SLC18A2: variants seen among roughly 807,000 people sequenced by gnomAD.
SLC18A2 encodes the protein solute carrier family 18 member A2, also known as synaptic vesicular amine transporter.
In SLC18A2, 33 loss-of-function variants were observed where a neutral mutation model predicts 59.2. The observed-to-expected ratio is 0.56, with a 90% CI of 0.42 to 0.75. SLC18A2 has a LOEUF of 0.75. Among genes scored for constraint, SLC18A2 ranks in the 30% least tolerant of loss-of-function variants. SLC18A2 has a pLI of 0.00. For missense variants in SLC18A2, 569 were observed against 668.6 expected (o/e 0.85, Z 1.64); for synonymous variants, 228 against 253.5 (o/e 0.90, Z 0.95).
chr10:117,248,609 T>C (rs559327371), intron 3 of SLC18A2, among the ~76,000 whole-genome samples: 2 of 152,308 alleles, frequency 1.3e-5, no homozygotes, highest in South Asian at 4.1e-4. Flanking sequence ...TACCAGAAAT[T>C]ATACTAGTGA....
At position 117,269,065 on chromosome 10, in the gene SLC18A2, A is replaced by G. The variant is rs933206596; in HGVS notation, c.1187-1006A>G. Among the ~76,000 whole-genome samples the G allele has an allele frequency of 6.6e-6, 1 of 151,726 alleles. No individual in the cohort carries two copies. Among genetic ancestry groups the G allele is most frequent in the African/African-American group, 2.4e-5 (1 of 41,258 alleles). On this transcript the variant is annotated intron_variant, in intron 13 of 15. Transcript: ENST00000644641. This position sits in a 1 kb window ranked among gnomAD's most constrained non-coding sequence, Gnocchi z 5.1. ...ACACATACACCCCCCACATAAACACATACACATACACAAATATACATACAC... is the reference window on the plus strand; with the variant it reads ...ACACATACACCCCCCACATAAACACGTACACATACACAAATATACATACAC...
At chr10:117,266,635 A>T in intron 10 of SLC18A2, 98 bp from the exon 11 acceptor site, 1 of 965,376 alleles carries the variant, frequency 1.0e-6, no homozygotes, top group Non-Finnish European at 1.6e-6. Context: ...GCTTCGTTTT[A>T]TCTGCTCTCA....
In SLC18A2 at chr10:117,254,500, G is replaced by C. The variant is rs1271318546; in HGVS notation, c.700+3G>C. The C allele has an allele frequency of 6.3e-7, 1 of 1,596,134 alleles. No individual in the cohort carries two copies. The highest frequency in any genetic ancestry group is 2.2e-5 in the East Asian group (1 of 44,686). On this transcript the variant is annotated splice_donor_region_variant and intron_variant, in intron 6 of 15. Coordinates refer to ENST00000644641, the MANE Select transcript of SLC18A2 (RefSeq NM_003054.6). ...AGGCCTGGCCATGGGGGTCTTAGGT[G>C]GGTAAGGCCCCCGTGTAGGCAAACT...
chr10:117,258,361 A>G (rs1195229371), intron 10 of SLC18A2, among the ~76,000 whole-genome samples: 1 of 152,148 alleles, frequency 6.6e-6, no homozygotes, highest in Non-Finnish European at 1.5e-5. Flanking sequence ...CCCCCAGCCC[A>G]TCTCCTGTGA....
Position 117,241,797 on chromosome 10 carries a change from T to G in SLC18A2, c.104T>G (p.Met35Arg). Reference protein sequence around the residue: ...IVFLALLLDNMLLTVVVPIIP... With the variant: ...IVFLALLLDNRLLTVVVPIIP... ...TTCCTGGCGCTGCTGCTGGACAACA[T>G]GCTGCTCACTGTCGTGGGTACGTGC... is the stretch of plus-strand genomic sequence containing the variant. The change falls in exon 2 of 16, where the codon ATG becomes AGG. Residue 35 changes from methionine to arginine, a missense_variant. Physicochemically the swap from Met to Arg is moderately conservative, Grantham distance 91 (BLOSUM62 -1). Transcript: ENST00000644641. The G allele has an allele frequency of 6.2e-7, 1 of 1,608,308 alleles. No homozygotes were observed. Among genetic ancestry groups the G allele is most frequent in the Non-Finnish European group, 8.5e-7 (1 of 1,177,984 alleles).
In SLC18A2 at chr10:117,254,064, C is replaced by T; in HGVS notation, c.540C>T (p.Ser180=). ...FVSTIMFAFS[S]SYAFLLIARS... ...TCTCGGCAGTGTTTGCCTTCTCCAG[C>T]AGCTATGCCTTCCTGCTGATTGCCA... The change falls in exon 5 of 16, where the codon AGC becomes AGT. Residue 180 remains serine (S), a synonymous_variant. Transcript: ENST00000644641. The T allele has an allele frequency of 1.2e-6, 2 of 1,613,672 alleles. No homozygotes were observed. Among genetic ancestry groups the T allele is most frequent in the South Asian group, 1.1e-5 (1 of 91,090 alleles).
intron 9 of SLC18A2, among the ~76,000 whole-genome samples, chr10:117,256,547 G>A (rs761230109): frequency 6.6e-6 from 1 of 152,242 alleles, no homozygotes; most frequent in African/African-American, 2.4e-5. Flanking sequence ...CTGGGCACCA[G>A]TAGTTAAGTT....
chr10:117,255,415 G>A, intron 7 of SLC18A2, 49 bp downstream of exon 7: 1 of 1,613,870 alleles, frequency 6.2e-7, no homozygotes, highest in South Asian at 1.1e-5. Flanking sequence ...CATCGTGCTG[G>A]CACGCGCTTG....
intron 15 of SLC18A2, among the ~76,000 whole-genome samples, chr10:117,276,896 A>G (rs117700047): frequency 6.8e-4 from 103 of 152,288 alleles, no homozygotes; most frequent in Non-Finnish European, 1.3e-3. Context: ...TTCATAGAGT[A>G]TAAGTTCCCA....
At chr10:117,246,873 C>T (rs1014360969) in intron 3 of SLC18A2, among the ~76,000 whole-genome samples, 12 of 152,254 alleles carry the variant, frequency 7.9e-5, no homozygotes, top group Non-Finnish European at 1.2e-4. Context: ...AAGCTGGTGT[C>T]GAACTCCTGA....
chr10:117,274,539 G>GCCGTGCAAGGATCGAGGCC (rs1844462950), intron 15 of SLC18A2, among the ~76,000 whole-genome samples: 1 of 152,164 alleles, frequency 6.6e-6, no homozygotes, highest in African/African-American at 2.4e-5. Context: ...CTGCCTGGGA[G>GCCGTGCAAGGATCGAGGCC]CCGTGCAAGG....
chr10:117,244,125 T>C lies in SLC18A2; in HGVS notation c.276T>C (p.Ala92=). 6.2e-7 allele frequency: 1 copy of C among 1,614,232 alleles called. No individual in the cohort carries two copies. Among genetic ancestry groups the C allele is most frequent in the Non-Finnish European group, 8.5e-7 (1 of 1,180,046 alleles). ...ACTCGACTATGGTCACCGGGAATGCTACCAGAGACCTGACACTTCATCAGA... is the reference window on the plus strand; with the variant it reads ...ACTCGACTATGGTCACCGGGAATGCCACCAGAGACCTGACACTTCATCAGA... The part of the protein sequence containing the change: ...YDNSTMVTGN[A]TRDLTLHQTA... The change falls in exon 3 of 16, where the codon GCT becomes GCC. Residue 92 remains alanine (A), a synonymous_variant. Transcript: ENST00000644641.
At chr10:117,253,090 A>G (rs1787902216) in intron 3 of SLC18A2, among the ~76,000 whole-genome samples, 1 of 152,206 alleles carries the variant, frequency 6.6e-6, no homozygotes, top group South Asian at 2.1e-4. Flanking sequence ...AATTAAAGGA[A>G]TCATTTTTTA....
Position 117,255,489 on chromosome 10 carries a change from C to T in SLC18A2, c.801C>T (p.Leu267=), listed in dbSNP as rs763608955. The part of the protein sequence containing the change: ...ALVLLDGAIQ[L]FVLQPSRVQP... ...ATTTTTATTTTTTAGCTATTCAGCT[C>T]TTTGTGCTCCAGCCGTCCCGGGTGC... The change falls in exon 8 of 16, where the codon CTC becomes CTT. Residue 267 remains leucine (L), a synonymous_variant. Coordinates refer to ENST00000644641, the MANE Select transcript of SLC18A2 (RefSeq NM_003054.6). 5 of 1,614,110 alleles carry T rather than the reference C, an allele frequency of 3.1e-6. No individual in the cohort carries two copies. Among genetic ancestry groups the T allele is most frequent in the Admixed American group, 1.7e-5 (1 of 60,024 alleles).
intron 12 of SLC18A2, 150 bp from the exon 13 acceptor site, chr10:117,267,523 T>G (rs1844361846): frequency 1.8e-6 from 1 of 543,242 alleles, no homozygotes; most frequent in South Asian, 3.6e-5. Flanking sequence ...GAGGGTCCGG[T>G]TCTTCACAAA....
intron 3 of SLC18A2, 143 bp downstream of exon 3, chr10:117,244,456 C>G (rs1027815290): frequency 2.9e-6 from 2 of 690,672 alleles, no homozygotes; most frequent in Non-Finnish European, 4.8e-6. Context: ...GTCCCCTTCC[C>G]CTATGTCTCT....
rs1171776418 is a variant in SLC18A2, at chr10:117,253,346, C to T, written c.465-53C>T. The T allele has an allele frequency of 3.0e-6, 4 of 1,349,304 alleles. No homozygotes were observed. In the African/African-American group the frequency reaches 4.3e-5, roughly 15 times the overall value. 83.6% of individuals were successfully genotyped at this position (1,349,304 alleles called of 1,614,324 possible). A position where few individuals can be genotyped will look rare whatever the true frequency, so the allele number is the denominator to read the frequency against. On this transcript the variant is annotated intron_variant, in intron 3 of 15. Coordinates refer to ENST00000644641, the MANE Select transcript of SLC18A2 (RefSeq NM_003054.6). ...AGCCAGGCGAAAATCAATATAAAGC[C>T]TTAAAAAAATAGCCTGCAGTCACCA...
At chr10:117,249,312 A>G (rs995550811) in intron 3 of SLC18A2, among the ~76,000 whole-genome samples, 12 of 152,268 alleles carry the variant, frequency 7.9e-5, no homozygotes, top group Non-Finnish European at 1.3e-4. Context: ...GTCAGAGAAC[A>G]GGGCTCACGC....
intron 15 of SLC18A2, among the ~76,000 whole-genome samples, chr10:117,274,037 T>G (rs1419955375): frequency 6.6e-6 from 1 of 152,224 alleles, no homozygotes; most frequent in Admixed American, 6.5e-5. Flanking sequence ...TTAATTTACC[T>G]GCCTGCACTG....
Sources: gnomAD v4.1 joint callset for allele counts (sites outside exome capture counted in the v4.1 genomes callset) on GRCh38, gnomAD v4.1.1 for gene constraint, Gnocchi (gnomAD v3.1) non-coding constraint, MANE v1.5 for transcripts, NCBI Gene and HGNC (gene_info 2026-07-23, HGNC 2026-07-21) for gene names.